NCALD: variants seen among roughly 807,000 people sequenced by gnomAD.
The protein encoded by NCALD is neurocalcin delta, also known as neurocalcin-delta.
In NCALD, 10 loss-of-function variants were observed where a neutral mutation model predicts 18.6. That is an observed-to-expected ratio of 0.54 (90% CI 0.33 to 0.91). The LOEUF is 0.91. Ranked by LOEUF, NCALD falls within the 40% of genes least tolerant of loss-of-function variation. The pLI is 0.03. For synonymous variants in NCALD, 88 were observed against 87.4 expected (o/e 1.01, Z -0.04); for missense variants, 184 against 247.6 (o/e 0.74, Z 1.72).
At chr8:101,815,319 C>G (rs1260246048) in intron 4 of NCALD, among the ~76,000 whole-genome samples, 2 of 152,026 alleles carry the variant, frequency 1.3e-5, no homozygotes, top group African/African-American at 4.8e-5. Flanking sequence ...CACATAAATA[C>G]AGTCATCTGA....
At chr8:101,780,009 T>G (rs999779808) in intron 1 of NCALD, 1 of 152,176 alleles carries the variant, frequency 6.6e-6, no homozygotes, top group Non-Finnish European at 1.5e-5. Flanking sequence ...TTAAACGTAA[T>G]GCTTTTTAAT....
intron 1 of NCALD, among the ~76,000 whole-genome samples, chr8:102,115,163 C>T (rs1467767344): frequency 1.3e-5 from 2 of 152,258 alleles, no homozygotes; most frequent in East Asian, 1.9e-4. Context: ...GCAAGGCAAA[C>T]CTTTTCTTCA....
intron 4 of NCALD, chr8:101,847,495 T>A (rs899780621): frequency 6.6e-6 from 1 of 152,298 alleles, no homozygotes; most frequent in Admixed American, 6.5e-5. Context: ...CCTTGTGGCA[T>A]CATGGCTGTC....
At chr8:102,080,852 T>C (rs1824505678) in intron 1 of NCALD, among the ~76,000 whole-genome samples, 1 of 152,216 alleles carries the variant, frequency 6.6e-6, no homozygotes, top group African/African-American at 2.4e-5. Flanking sequence ...GCCCACTCAT[T>C]TAATAGTGAG....
intron 1 of NCALD, among the ~76,000 whole-genome samples, chr8:101,757,847 C>T (rs1810951760): frequency 6.6e-6 from 1 of 152,156 alleles, no homozygotes; most frequent in Non-Finnish European, 1.5e-5. Flanking sequence ...GTTTGCACTA[C>T]TGTACTCATT....
At chr8:101,861,171 T>C (rs1366722042) in intron 4 of NCALD, among the ~76,000 whole-genome samples, 2 of 152,098 alleles carry the variant, frequency 1.3e-5, no homozygotes, top group Non-Finnish European at 2.9e-5. Flanking sequence ...AGTAAATCTG[T>C]GTTACTTTAA....
chr8:101,994,346 C>T (rs76636028), intron 2 of NCALD, among the ~76,000 whole-genome samples: 4,258 of 152,290 alleles, frequency 0.028, 101 homozygotes, highest in East Asian at 0.091. Flanking sequence ...ACCCACAGCT[C>T]TCTGATTCTA....
At chr8:102,036,866 A>T (rs567604119) in intron 1 of NCALD, among the ~76,000 whole-genome samples, 2 of 152,202 alleles carry the variant, frequency 1.3e-5, no homozygotes, top group Non-Finnish European at 2.9e-5. Flanking sequence ...AGGTGGAAGT[A>T]CAAATTGGTC....
intron 1 of NCALD, among the ~76,000 whole-genome samples, chr8:102,082,442 T>G (rs1373941618): frequency 6.6e-6 from 1 of 151,816 alleles, no homozygotes; most frequent in African/African-American, 2.4e-5. Context: ...TGCCAGAAAT[T>G]GATACAAATG....
intron 1 of NCALD, among the ~76,000 whole-genome samples, chr8:101,738,395 T>G (rs1810022126): frequency 6.6e-6 from 1 of 151,642 alleles, no homozygotes; most frequent in Admixed American, 6.6e-5. Context: ...AATACAAAAA[T>G]TAGCTGGGCG....
intron 4 of NCALD, among the ~76,000 whole-genome samples, chr8:101,818,497 G>T (rs1195646909): frequency 6.6e-6 from 1 of 152,148 alleles, no homozygotes; most frequent in Non-Finnish European, 1.5e-5. Context: ...CCAGAACATT[G>T]AGAAGCCAAA....
intron 4 of NCALD, among the ~76,000 whole-genome samples, chr8:101,843,582 G>GTTTTTTTTT (rs369393213): frequency 0.018 from 2,303 of 124,792 alleles, 147 homozygotes; most frequent in African/African-American, 0.028. Flanking sequence ...TTTAAAAATT[G>GTTTTTTTTT]TTTTTTTTTT....
intron 1 of NCALD, among the ~76,000 whole-genome samples, chr8:101,730,662 A>G (rs2130577562): frequency 6.6e-6 from 1 of 152,248 alleles, no homozygotes; most frequent in South Asian, 2.1e-4. Context: ...AATGGTTCAT[A>G]ATGTGAGGCT....
At chr8:102,076,332 C>T (rs1824348496) in intron 1 of NCALD, among the ~76,000 whole-genome samples, 1 of 152,288 alleles carries the variant, frequency 6.6e-6, no homozygotes. Flanking sequence ...ATGAGTGACA[C>T]ACACAGGCTT....
At chr8:101,801,665 T>TG (rs1812865637) in intron 4 of NCALD, among the ~76,000 whole-genome samples, 1 of 100,058 alleles carries the variant, frequency 1.0e-5, no homozygotes, top group African/African-American at 5.2e-5. Flanking sequence ...TTTTTTTTTT[T>TG]TTTTTTTTTT....
intron 4 of NCALD, among the ~76,000 whole-genome samples, chr8:101,797,388 T>C (rs1812677509): frequency 6.6e-6 from 1 of 152,042 alleles, no homozygotes; most frequent in South Asian, 2.1e-4. Flanking sequence ...AAACACCACA[T>C]TAACTTTAAA....
chr8:102,097,698 A>G lies in NCALD; in HGVS notation c.-210+26539T>C, dbSNP rs192898425. 2.6e-5 allele frequency among the ~76,000 whole-genome samples: 4 copies of G among 152,272 alleles called. No individual in the cohort carries two copies. In the East Asian group the frequency reaches 7.7e-4, roughly 29 times the overall value. On this transcript the variant is annotated intron_variant, in intron 1 of 6. Transcript: ENST00000311028. ...ACCTCCTTATACAAGACTCTTATCA[A>G]CTGATTTCATCATTTTTAGCACTGA...
chr8:101,771,911 T>C (rs1811599262), intron 1 of NCALD, among the ~76,000 whole-genome samples: 1 of 152,230 alleles, frequency 6.6e-6, no homozygotes, highest in African/African-American at 2.4e-5. Flanking sequence ...TGAATAATTA[T>C]TCCACAAATA....
rs34205453 is a variant in NCALD at position 101,738,552 on chromosome 8, C to CAA, written c.-19-18906_-19-18905dup. ...AGAGCGAAACTCCATCTCAAAAAAA[C>CAA]AAAAAAAAAAAAAAAAAAAAGAAGA... On this transcript the variant is annotated intron_variant, in intron 1 of 3. Transcript: ENST00000220931. Among the ~76,000 whole-genome samples, 490 of 127,806 alleles carry CAA rather than the reference C, an allele frequency of 3.8e-3. 1 individual carries two copies. Among genetic ancestry groups the CAA allele is most frequent in the Middle Eastern group, 8.1e-3 (2 of 246 alleles). The allele number at this position is 127,806 out of a possible 152,430, so 83.8% of individuals were successfully genotyped here. A position where few individuals can be genotyped will look rare whatever the true frequency, so the allele number is the denominator to read the frequency against.
Sources: gnomAD v4.1 joint callset for allele counts (sites outside exome capture counted in the v4.1 genomes callset) on GRCh38, gnomAD v4.1.1 for gene constraint, MANE v1.5 for transcripts, NCBI Gene and HGNC (gene_info 2026-07-23, HGNC 2026-07-21) for gene names.